Variants in CALM2 observed in about 807,000 individuals in gnomAD.
CALM2 encodes the protein calmodulin 2.
In CALM2, 2 loss-of-function variants were observed where a neutral mutation model predicts 19.8. That is an observed-to-expected ratio of 0.10 (90% CI 0.04 to 0.32). The LOEUF is 0.32. Among genes scored for constraint, CALM2 ranks in the 10% least tolerant of loss-of-function variants. CALM2 has a pLI of 1.00. For missense variants in CALM2, 38 were observed against 178.7 expected (o/e 0.21, Z 4.49); for synonymous variants, 51 against 52.1 (o/e 0.98, Z 0.09).
Position 47,162,787 on chromosome 2 carries a change from T to C in CALM2, c.35-125A>G, listed in dbSNP as rs1447536645. 8 of 764,834 alleles carry C rather than the reference T, an allele frequency of 1.0e-5. No individual in the cohort carries two copies. The Admixed American group carries it at 1.7e-4, about 16-fold the overall frequency. 47.4% of individuals were successfully genotyped at this position (764,834 alleles called of 1,614,324 possible). On this transcript the variant is annotated intron_variant, in intron 2 of 5. Transcript: ENST00000272298. ...CGTGCCAGTGAACAGCCACTGCACT[T>C]CAGCCTGGCCAAACTGTAAGACCCC...
chr2:47,161,979 C>T (rs752901781), intron 4 of CALM2, 121 bp from the exon 5 acceptor site: 36 of 784,936 alleles, frequency 4.6e-5, no homozygotes, highest in East Asian at 3.1e-4. Context: ...GAAATGCATA[C>T]AAATCTACAC....
intron 5 of CALM2, 25 bp from the exon 6 acceptor site, chr2:47,160,829 AAT>A (rs1474548214): frequency 1.5e-6 from 2 of 1,376,140 alleles, no homozygotes; most frequent in Non-Finnish European, 2.0e-6. Flanking sequence ...GTACACAAAA[AAT>A]GAGTCAATAG....
Position 47,175,097 on chromosome 2 carries a change from T to TTTTTTTTTCC in CALM2, c.3+1343_3+1344insGGAAAAAAAA, listed in dbSNP as rs751897252. 6.1e-3 allele frequency among the ~76,000 whole-genome samples: 778 copies of TTTTTTTTTCC among 126,588 alleles called. 31 individuals carry two copies. Among genetic ancestry groups the TTTTTTTTTCC allele is most frequent in the African/African-American group, 0.028 (715 of 25,456 alleles). The allele number at this position is 126,588 out of a possible 152,430, so 83.0% of individuals were successfully genotyped here. The stretch of plus-strand genomic sequence containing the variant: ...TCATTAGGTGTTTTTTTTTTTTTTT[T>TTTTTTTTTCC]TCAGGAAAGAACATGATCTCCCAGT... On this transcript the variant is annotated intron_variant, in intron 1 of 5. Coordinates refer to ENST00000272298, the MANE Select transcript of CALM2 (RefSeq NM_001743.6).
chr2:47,167,016 CAT>C (rs1356229413), intron 2 of CALM2, among the ~76,000 whole-genome samples: 9 of 152,146 alleles, frequency 5.9e-5, no homozygotes, highest in African/African-American at 1.9e-4. Context: ...ATTAAAATAA[CAT>C]GTTTTAAAAA....
chr2:47,164,436 C>CA (rs58436849), intron 2 of CALM2, among the ~76,000 whole-genome samples: 13,408 of 146,196 alleles, frequency 0.092, 1,446 homozygotes, highest in African/African-American at 0.27. Context: ...TATTAAAACA[C>CA]AAACACACAC....
Position 47,162,379 on chromosome 2 carries a change from A to C in CALM2, c.192T>G (p.Ile64Met). 6.2e-7 allele frequency: 1 copy of C among 1,610,804 alleles called. No homozygotes were observed. The highest frequency in any genetic ancestry group is 8.5e-7 in the Non-Finnish European group (1 of 1,178,332). Residue 64 changes from isoleucine to methionine, a missense_variant, in exon 4 of 6, where the codon ATT (isoleucine) becomes ATG (methionine). Transcript: ENST00000272298. ...TCATTGTCAGAAATTCAGGGAAGTC[A>C]ATTGTGCCATTACCTGAAATGGTTT... Reference protein sequence around the residue: ...NEVDADGNGTIDFPEFLTMMA... With the variant: ...NEVDADGNGTMDFPEFLTMMA...
chr2:47,162,421 C>A, intron 3 of CALM2, 29 bp from the exon 4 acceptor site: 1 of 1,605,676 alleles, frequency 6.2e-7, no homozygotes, highest in South Asian at 1.1e-5. Context: ...AACATCAAAG[C>A]TTTAGTGGAA....
At chr2:47,162,814 C>CGT in intron 2 of CALM2, 152 bp from the exon 3 acceptor site, 1 of 579,574 alleles carries the variant, frequency 1.7e-6, no homozygotes, top group South Asian at 3.2e-5. Context: ...TAAGACCCCA[C>CGT]GTCTCAGAAA....
chr2:47,162,428 G>A lies in CALM2; in HGVS notation c.179-36C>T, dbSNP rs1451768945. 2.5e-6 allele frequency: 4 copies of A among 1,604,792 alleles called. No homozygotes were observed. In the East Asian group the frequency reaches 8.9e-5, roughly 36 times the overall value. Reference sequence around the variant, plus strand: ...TTAGTGGAAACATCAAAGCTTTAGTGGAAACATATAAGCAAACAGCAAAGG... The same window carrying A: ...TTAGTGGAAACATCAAAGCTTTAGTAGAAACATATAAGCAAACAGCAAAGG... On this transcript the variant is annotated intron_variant, in intron 3 of 5. Transcript: ENST00000272298.
intron 2 of CALM2, chr2:47,167,814 C>CTTTTCTTTTCTTTTTTT: frequency 2.1e-5 from 2 of 96,524 alleles, no homozygotes; most frequent in Admixed American, 1.3e-4. Flanking sequence ...TTTTTCTTTT[C>CTTTTCTTTTCTTTTTTT]TTTGAGACAG....
chr2:47,171,540 G>A (rs1274251262), intron 1 of CALM2: 1 of 152,140 alleles, frequency 6.6e-6, no homozygotes, highest in Non-Finnish European at 1.5e-5. Flanking sequence ...AAAGCACTAA[G>A]GTGTCAGACA....
chr2:47,175,865 C>A (rs1666844894), intron 1 of CALM2, among the ~76,000 whole-genome samples: 1 of 147,906 alleles, frequency 6.8e-6, no homozygotes, highest in Non-Finnish European at 1.5e-5. Flanking sequence ...GCTCGGCCCA[C>A]ACAGCGCGCC....
intron 5 of CALM2, among the ~76,000 whole-genome samples, chr2:47,161,151 C>T (rs985121850): frequency 5.3e-5 from 8 of 152,118 alleles, no homozygotes; most frequent in Admixed American, 4.6e-4. Flanking sequence ...TATAACATTA[C>T]ATTTTATGCT....
rs1204659229 is a variant in CALM2 at position 47,167,307 on chromosome 2, C to A, written c.34+3427G>T. 1.3e-5 allele frequency among the ~76,000 whole-genome samples: 2 copies of A among 152,088 alleles called. 1 individual carries two copies. Among genetic ancestry groups the A allele is most frequent in the Non-Finnish European group, 2.9e-5 (2 of 68,026 alleles). ...TATCAGTCTTCCAAAAGTCAAACAG[C>A]AACAACTAATGACATCATGGCAGAG... On this transcript the variant is annotated intron_variant, in intron 2 of 5. Transcript: ENST00000272298.
intron 2 of CALM2, among the ~76,000 whole-genome samples, chr2:47,169,410 T>TCAGCCTCCCAAAGTGATAAGATTAC (rs1666597421): frequency 6.6e-6 from 1 of 152,174 alleles, no homozygotes; most frequent in African/African-American, 2.4e-5. Flanking sequence ...TCCTGCTGCC[T>TCAGCCTCCCAAAGTGATAAGATTAC]CAGCCTCCCA....
chr2:47,166,158 C>T (rs1019061986), intron 2 of CALM2, among the ~76,000 whole-genome samples: 4 of 152,150 alleles, frequency 2.6e-5, no homozygotes, highest in African/African-American at 9.7e-5. Flanking sequence ...ACAAATAGCA[C>T]AATTGATAAA....
At chr2:47,167,180 A>G (rs1469024299) in intron 2 of CALM2, among the ~76,000 whole-genome samples, 1 of 152,190 alleles carries the variant, frequency 6.6e-6, no homozygotes, top group African/African-American at 2.4e-5. Context: ...GTTGCTATAC[A>G]TTGAGTAATA....
At chr2:47,167,188 A>C (rs941038516) in intron 2 of CALM2, among the ~76,000 whole-genome samples, 1 of 152,198 alleles carries the variant, frequency 6.6e-6, no homozygotes, top group African/African-American at 2.4e-5. Context: ...ACATTGAGTA[A>C]TATTAATATT....
At chr2:47,176,785 G>C (rs1666888387), upstream of CALM2, 1 of 985,480 alleles carries the variant, frequency 1.0e-6, no homozygotes, top group Non-Finnish European at 1.2e-6. Context: ...GCGCGGAGGA[G>C]CATCGTGGCG....
Sources: gnomAD v4.1 joint callset for allele counts (sites outside exome capture counted in the v4.1 genomes callset) on GRCh38, gnomAD v4.1.1 for gene constraint, MANE v1.5 for transcripts, NCBI Gene and HGNC (gene_info 2026-07-23, HGNC 2026-07-21) for gene names.